Variants in ACOT9 observed in about 807,000 individuals in gnomAD.
The protein encoded by ACOT9 is acyl-CoA thioesterase 9.
Under a neutral mutation model 39.7 loss-of-function variants are expected in ACOT9, and 34 were observed. The observed-to-expected ratio is 0.86, with a 90% CI of 0.65 to 1.14. The LOEUF (loss-of-function observed/expected upper bound fraction) is 1.14. Ranked by LOEUF, ACOT9 falls within the 50% of genes most tolerant of loss-of-function variation. The pLI, the probability that ACOT9 is intolerant of heterozygous loss-of-function variation, is 0.00. For synonymous variants in ACOT9, 110 were observed against 120.5 expected, an observed-to-expected ratio of 0.91 and a Z score of 0.57; for missense variants, 313 against 344.1, an observed-to-expected ratio of 0.91 and a Z score of 0.71.
rs1477699242 is a variant in ACOT9 at position 23,703,518 on chromosome X, C to T, written c.*376G>A. The T allele has an allele frequency of 8.4e-6, 1 of 118,815 alleles. No individual in the cohort carries two copies. The highest frequency in any genetic ancestry group is 9.1e-5 in the Admixed American group (1 of 10,957). The allele number at this position is 118,815 out of a possible 1,213,427, so 9.8% of individuals were successfully genotyped here. A position where few individuals can be genotyped will look rare whatever the true frequency, so the allele number is the denominator to read the frequency against. Reference sequence around the variant, plus strand: ...TATTTTTAGTAGAGACAGGGTTTCACCATGTTGGCCAGGATGGTCTTGATC... The same window carrying T: ...TATTTTTAGTAGAGACAGGGTTTCATCATGTTGGCCAGGATGGTCTTGATC... On this transcript the variant is annotated 3_prime_UTR_variant, in exon 16 of 16. Transcript: ENST00000379303.
intron 8 of ACOT9, among the ~76,000 whole-genome samples, chrX:23,716,688 AGTTTT>A (rs1397351579): frequency 9.0e-6 from 1 of 110,931 alleles, no homozygotes; most frequent in African/African-American, 3.3e-5. Context: ...TAATCAAAGG[AGTTTT>A]GTTTTTTGTT....
chrX:23,702,642 A>G lies in ACOT9; in HGVS notation c.*1252T>C, dbSNP rs912207957. On this transcript the variant is annotated 3_prime_UTR_variant, in exon 16 of 16. Transcript: ENST00000379303. ...CCTCCCTTGCTCTATTCCTTGGAAG[A>G]AGTACAGGCACTGGTCAAGAGTGCC... 3 of 111,693 alleles carry G rather than the reference A, an allele frequency of 2.7e-5. No homozygotes were observed. The highest frequency in any genetic ancestry group is 9.8e-5 in the African/African-American group (3 of 30,765). 9.2% of individuals were successfully genotyped at this position (111,693 alleles called of 1,213,427 possible). A position where few individuals can be genotyped will look rare whatever the true frequency, so the allele number is the denominator to read the frequency against.
At chrX:23,717,837 C>T (rs761370490) in intron 8 of ACOT9, among the ~76,000 whole-genome samples, 1 of 112,006 alleles carries the variant, frequency 8.9e-6, no homozygotes, top group Non-Finnish European at 1.9e-5. Flanking sequence ...CCTATAATTC[C>T]AGCACTTTGG....
At chrX:23,730,695 A>G (rs1036628912) in intron 5 of ACOT9, 121 bp downstream of exon 5, 7 of 954,970 alleles carry the variant, frequency 7.3e-6, no homozygotes, top group Non-Finnish European at 8.8e-6. Context: ...CTCTCTAAAT[A>G]TATCAAAACC....
At chrX:23,727,840 A>G (rs1929589637) in intron 6 of ACOT9, among the ~76,000 whole-genome samples, 2 of 108,074 alleles carry the variant, frequency 1.9e-5, no homozygotes. Flanking sequence ...CTCTACTAAA[A>G]ATACAAAAAT....
intron 6 of ACOT9, among the ~76,000 whole-genome samples, chrX:23,723,831 A>G (rs973168089): frequency 8.9e-5 from 10 of 111,776 alleles, no homozygotes; most frequent in African/African-American, 3.2e-4. Context: ...TCCAGCAAAG[A>G]AATCAGATGG....
At chrX:23,709,981 G>A (rs958350860) in intron 9 of ACOT9, among the ~76,000 whole-genome samples, 4 of 111,621 alleles carry the variant, frequency 3.6e-5, no homozygotes, top group Admixed American at 2.9e-4. Flanking sequence ...TCTGCTTCCC[G>A]GGTTAAAGCA....
At chrX:23,740,717 T>TACACACAC (rs67075682) in intron 1 of ACOT9, among the ~76,000 whole-genome samples, 1,585 of 91,987 alleles carry the variant, frequency 0.017, 22 homozygotes, top group Non-Finnish European at 0.026. Flanking sequence ...CCCCAATACA[T>TACACACAC]ACACACACAC....
chrX:23,722,291 C>T (rs188108001), intron 7 of ACOT9, among the ~76,000 whole-genome samples: 1 of 111,823 alleles, frequency 8.9e-6, no homozygotes, highest in Non-Finnish European at 1.9e-5. Context: ...GGGCTAGGCA[C>T]GGTGGCTCAT....
chrX:23,728,093 C>T lies in ACOT9; in HGVS notation c.400+2434G>A, dbSNP rs772415774. On this transcript the variant is annotated intron_variant, in intron 6 of 15. Coordinates refer to ENST00000379303, the MANE Select transcript of ACOT9 (RefSeq NM_001037171.2). ...AAGATCCTTTGAGCCCAGGAGTTCA[C>T]GAAAAACCTGGGCAACACAGGGAGA... Among the ~76,000 whole-genome samples, 6 of 110,252 alleles carry T rather than the reference C, an allele frequency of 5.4e-5. No homozygotes were observed. In the South Asian group the frequency reaches 1.9e-3, roughly 36 times the overall value.
chrX:23,742,205 T>TGAGGGAGAGAGAGAGA (rs1490829230), intron 1 of ACOT9, among the ~76,000 whole-genome samples: 1 of 65,561 alleles, frequency 1.5e-5, no homozygotes, highest in African/African-American at 7.0e-5. Context: ...CCAGGAACAG[T>TGAGGGAGAGAGAGAGA]GAGTGAGTGA....
chrX:23,736,770 G>A, intron 1 of ACOT9, among the ~76,000 whole-genome samples: 1 of 111,169 alleles, frequency 9.0e-6, no homozygotes, highest in East Asian at 2.8e-4. Context: ...AGTGAGCCAA[G>A]ATTGTACCAC....
rs753902242 is a variant in ACOT9, at chrX:23,730,849, C to T, written c.329G>A (p.Arg110Gln). The part of the protein sequence containing the change: ...LLPLGSEPEL[R>Q]EKYLTVQNTV... The stretch of plus-strand genomic sequence containing the variant: ...GTTTTGAACAGTCAAATATTTCTCT[C>T]GTAATTCAGGCTCACTGCCCAAAGG... The change falls in exon 5 of 16, where the codon CGA becomes CAA. Residue 110 changes from arginine to glutamine, a missense_variant. Arg to Gln is a conservative substitution (Grantham distance 43). Transcript: ENST00000379303. 1.8e-5 allele frequency: 22 copies of T among 1,208,618 alleles called. No homozygotes were observed. In the African/African-American group the frequency reaches 2.6e-4, roughly 14 times the overall value.
chrX:23,717,821 C>T (rs1643039853), intron 8 of ACOT9, among the ~76,000 whole-genome samples: 1 of 112,060 alleles, frequency 8.9e-6, no homozygotes, highest in South Asian at 3.7e-4. Flanking sequence ...GGGGCGGCGG[C>T]CCACGCCTAT....
chrX:23,735,689 G>A (rs1356364380), intron 2 of ACOT9, among the ~76,000 whole-genome samples: 1 of 111,250 alleles, frequency 9.0e-6, no homozygotes, highest in Non-Finnish European at 1.9e-5. Flanking sequence ...AACTAAAAGA[G>A]CTCAGTCCTC....
At chrX:23,714,198 C>T (rs1435417612) in intron 8 of ACOT9, among the ~76,000 whole-genome samples, 1 of 111,075 alleles carries the variant, frequency 9.0e-6, no homozygotes, top group South Asian at 3.8e-4. Flanking sequence ...TCTTGCAGGG[C>T]GTGCCTGTCC....
chrX:23,723,178 C>T (rs1278437391), intron 6 of ACOT9, among the ~76,000 whole-genome samples: 6 of 111,921 alleles, frequency 5.4e-5, no homozygotes, highest in Admixed American at 1.9e-4. Context: ...AATTATTTCA[C>T]TCAGTTATCC....
chrX:23,728,026 C>T (rs1383068871), intron 6 of ACOT9, among the ~76,000 whole-genome samples: 1 of 104,053 alleles, frequency 9.6e-6, no homozygotes, highest in African/African-American at 3.5e-5. Flanking sequence ...CCAGGCACGG[C>T]GGCTCACACC....
intron 1 of ACOT9, among the ~76,000 whole-genome samples, chrX:23,741,203 C>T (rs1920960821): frequency 1.8e-5 from 2 of 110,168 alleles, no homozygotes; most frequent in African/African-American, 3.3e-5. Flanking sequence ...AGGGAACCCT[C>T]GTACACTATT....
Sources: allele counts gnomAD v4.1 joint callset (sites outside exome capture counted in the v4.1 genomes callset), GRCh38; gene constraint gnomAD v4.1.1; transcripts MANE v1.5; gene names NCBI Gene and HGNC (gene_info 2026-07-23, HGNC 2026-07-21).